The following WWTR1 variants were observed in gnomAD, a reference collection of about 807,000 sequenced individuals.
WWTR1 encodes WW domain containing transcription regulator 1.
WWTR1 carries 13 observed loss-of-function variants against 40.1 expected under a neutral mutation model. The observed-to-expected ratio is 0.32, with a 90% CI of 0.21 to 0.52. The LOEUF (loss-of-function observed/expected upper bound fraction) is 0.52. Ranked by LOEUF, WWTR1 falls within the 20% of genes least tolerant of loss-of-function variation. The pLI is 0.97. For synonymous variants in WWTR1, 230 were observed against 210.1 expected, an observed-to-expected ratio of 1.09 and a Z score of -0.82; for missense variants, 436 against 523.1, an observed-to-expected ratio of 0.83 and a Z score of 1.63.
At chr3:149,688,133 T>G (rs1157043713) in intron 1 of WWTR1, among the ~76,000 whole-genome samples, 2 of 151,200 alleles carry the variant, frequency 1.3e-5, no homozygotes, top group Non-Finnish European at 2.9e-5. Context: ...CTAAATAGAT[T>G]CCTAAAGTTC....
At chr3:149,526,855 CT>C (rs1735342683) in intron 5 of WWTR1, among the ~76,000 whole-genome samples, 2 of 152,330 alleles carry the variant, frequency 1.3e-5, no homozygotes, top group Admixed American at 1.3e-4. Context: ...CAGAATTGCC[CT>C]TTTTATTTGA....
At chr3:149,556,234 A>G (rs979081294) in intron 3 of WWTR1, among the ~76,000 whole-genome samples, 1 of 152,206 alleles carries the variant, frequency 6.6e-6, no homozygotes, top group Admixed American at 6.5e-5. Flanking sequence ...GGTAAAATTT[A>G]AAATTCTGAA....
chr3:149,697,354 G>C (rs1303305006), intron 1 of WWTR1, among the ~76,000 whole-genome samples: 1 of 151,988 alleles, frequency 6.6e-6, no homozygotes, highest in Non-Finnish European at 1.5e-5. Context: ...ATACCAGAGT[G>C]AGAACTCACT....
intron 4 of WWTR1, among the ~76,000 whole-genome samples, chr3:149,719,811 G>C (rs1408778000): frequency 6.6e-6 from 1 of 152,144 alleles, no homozygotes; most frequent in East Asian, 1.9e-4. Flanking sequence ...GCCATCCTAA[G>C]GGTGTCCAGG....
chr3:149,722,783 C>T (rs1475760220), intron 4 of WWTR1, among the ~76,000 whole-genome samples: 5 of 151,794 alleles, frequency 3.3e-5, no homozygotes, highest in Non-Finnish European at 4.4e-5. Flanking sequence ...GATTCTTCTG[C>T]TTGCTCAAAT....
intron 5 of WWTR1, among the ~76,000 whole-genome samples, chr3:149,709,593 C>T (rs944018524): frequency 2.0e-5 from 3 of 152,050 alleles, no homozygotes; most frequent in Admixed American, 2.0e-4. Context: ...GAAGGATACA[C>T]AGTGGACTCA....
At chr3:149,602,501 T>C (rs992197361) in intron 2 of WWTR1, among the ~76,000 whole-genome samples, 5 of 152,202 alleles carry the variant, frequency 3.3e-5, no homozygotes. Flanking sequence ...CGACTCAGTC[T>C]CACAGACTGA....
chr3:149,642,909 G>C (rs1321514183), intron 2 of WWTR1, among the ~76,000 whole-genome samples: 1 of 152,152 alleles, frequency 6.6e-6, no homozygotes, highest in African/African-American at 2.4e-5. Context: ...GAAAACCTAA[G>C]TAATTTTATG....
At chr3:149,550,134 A>G (rs1320552003) in intron 3 of WWTR1, among the ~76,000 whole-genome samples, 1 of 152,184 alleles carries the variant, frequency 6.6e-6, no homozygotes, top group South Asian at 2.1e-4. Context: ...AATACCAGGA[A>G]CTTTGCTGGC....
At chr3:149,671,636 CA>C in intron 1 of WWTR1, among the ~76,000 whole-genome samples, 1 of 151,972 alleles carries the variant, frequency 6.6e-6, no homozygotes, top group Non-Finnish European at 1.5e-5. Context: ...TTGAAATATC[CA>C]ATTGAATCTA....
chr3:149,540,958 G>A (rs1736071289), intron 4 of WWTR1: 22 of 447,176 alleles, frequency 4.9e-5, no homozygotes, highest in South Asian at 3.5e-4. Context: ...TTCATTCATG[G>A]AAGTCAATGT....
chr3:149,651,686 T>C (rs548062946), intron 2 of WWTR1, among the ~76,000 whole-genome samples: 156 of 152,288 alleles, frequency 1.0e-3, no homozygotes, highest in Non-Finnish European at 1.8e-3. Flanking sequence ...CCATTTGACT[T>C]TGGGGCTAGA....
intron 2 of WWTR1, among the ~76,000 whole-genome samples, chr3:149,667,399 T>C (rs1261086032): frequency 6.6e-6 from 1 of 151,692 alleles, no homozygotes; most frequent in Non-Finnish European, 1.5e-5. Flanking sequence ...ATACAAAAAA[T>C]TAGCAGGACG....
chr3:149,703,584 G>A (rs760760352), upstream of WWTR1, among the ~76,000 whole-genome samples: 2 of 152,054 alleles, frequency 1.3e-5, no homozygotes, highest in Non-Finnish European at 2.9e-5. Context: ...ATTTTGGTTT[G>A]GATGTTTATA....
Position 149,626,814 on chromosome 3 carries a change from C to G in WWTR1, c.431+30062G>C, listed in dbSNP as rs555361644. On this transcript the variant is annotated intron_variant, in intron 2 of 6. Coordinates refer to ENST00000360632, the MANE Select transcript of WWTR1 (RefSeq NM_015472.6). ...TATCAAAAACAAGGTGTTGCCCAACCTTGGCACACAGCGCACAGGTTGTTG... is the reference window on the plus strand; with the variant it reads ...TATCAAAAACAAGGTGTTGCCCAACGTTGGCACACAGCGCACAGGTTGTTG... Among the ~76,000 whole-genome samples the G allele has an allele frequency of 2.6e-5, 4 of 152,266 alleles. No homozygotes were observed. In the South Asian group the frequency reaches 6.2e-4, roughly 24 times the overall value.
rs1217598530 is a variant in WWTR1, at chr3:149,622,450, AAAGG to A, written c.431+34422_431+34425del. Among the ~76,000 whole-genome samples the A allele has an allele frequency of 2.6e-3, 261 of 98,596 alleles. 6 individuals carry two copies. The highest frequency in any genetic ancestry group is 9.1e-3 in the Middle Eastern group (2 of 220). 64.7% of individuals were successfully genotyped at this position (98,596 alleles called of 152,430 possible). ...AAACCATATTTTCCCAGAAAGAAAGAAAGGAAGGAAGGAAGGAAGGAAGGAAGGA... is the reference window on the plus strand; with the variant it reads ...AAACCATATTTTCCCAGAAAGAAAGAAAGGAAGGAAGGAAGGAAGGAAGGA... On this transcript the variant is annotated intron_variant, in intron 2 of 6. Transcript: ENST00000360632.
chr3:149,603,253 C>G (rs918691206), intron 2 of WWTR1, among the ~76,000 whole-genome samples: 3 of 152,092 alleles, frequency 2.0e-5, no homozygotes, highest in Middle Eastern at 3.4e-3. Context: ...AATCAAGGAA[C>G]CAGATTCTAT....
Position 149,592,570 on chromosome 3 carries a change from G to A in WWTR1, c.432-19570C>T, listed in dbSNP as rs533748621. Among the ~76,000 whole-genome samples, 44 of 152,070 alleles carry A rather than the reference G, an allele frequency of 2.9e-4. 1 individual carries two copies. Among genetic ancestry groups the A allele is most frequent in the East Asian group, 3.9e-4 (2 of 5,178 alleles). ...CTAATATAGATTAGAGAGATTAATC[G>A]GCATATATCAGAATATATATATACA... On this transcript the variant is annotated intron_variant, in intron 2 of 6. Coordinates refer to ENST00000360632, the MANE Select transcript of WWTR1 (RefSeq NM_015472.6).
At chr3:149,720,704 T>C (rs1715734808) in intron 4 of WWTR1, among the ~76,000 whole-genome samples, 1 of 152,198 alleles carries the variant, frequency 6.6e-6, no homozygotes, top group Admixed American at 6.5e-5. Flanking sequence ...TAGATCACTT[T>C]GGGTAGTGTT....
Sources: gnomAD v4.1 joint callset for allele counts (sites outside exome capture counted in the v4.1 genomes callset) on GRCh38, gnomAD v4.1.1 for gene constraint, MANE v1.5 for transcripts, NCBI Gene and HGNC (gene_info 2026-07-23, HGNC 2026-07-21) for gene names.